The following TSHR variants were observed in gnomAD, a reference collection of about 807,000 sequenced individuals.
TSHR encodes thyroid stimulating hormone receptor.
TSHR carries 51 observed loss-of-function variants against 64.1 expected under a neutral mutation model. The observed-to-expected ratio is 0.80, with a 90% CI of 0.64 to 1.01. The LOEUF (loss-of-function observed/expected upper bound fraction) is 1.01, where lower values mean the gene tolerates loss of function less well. Among genes scored for constraint, TSHR ranks in the 50% least tolerant of loss-of-function variants. TSHR has a pLI of 0.00. For synonymous variants in TSHR, 361 were observed against 361.9 expected (o/e 1.00, Z 0.03); for missense variants, 877 against 942.8 (o/e 0.93, Z 0.91).
At chr14:81,102,850 GTGGGATCAAGA>G (rs1889674724) in intron 7 of TSHR, 1 of 985,154 alleles carries the variant, frequency 1.0e-6, no homozygotes, top group Admixed American at 6.2e-5. Context: ...AAGGGCAAGC[GTGGGATCAAGA>G]TAAAAAGTAT....
intron 3 of TSHR, among the ~76,000 whole-genome samples, chr14:81,079,726 C>G (rs1159223162): frequency 2.6e-5 from 4 of 152,004 alleles, no homozygotes; most frequent in African/African-American, 9.7e-5. Context: ...CACAATGGCA[C>G]TTGCCTATAG....
At chr14:80,956,400 A>T (rs958519815) in intron 1 of TSHR, among the ~76,000 whole-genome samples, 7 of 152,262 alleles carry the variant, frequency 4.6e-5, no homozygotes, top group African/African-American at 1.7e-4. Flanking sequence ...GTGAACTGCC[A>T]GTGAAATAGT....
In TSHR at chr14:81,005,054, G is replaced by C. The variant is rs114649472; in HGVS notation, c.170+49204G>C. On this transcript the variant is annotated intron_variant, in intron 1 of 9. Coordinates refer to ENST00000298171, the MANE Select transcript of TSHR (RefSeq NM_000369.5). ...CTTAACCAATATGCAGCAGAGCCTA[G>C]AGTTTGAAAACATCTCTGGAGATGA... 3.5e-3 allele frequency among the ~76,000 whole-genome samples: 537 copies of C among 152,292 alleles called. 1 individual carries two copies. Among genetic ancestry groups the C allele is most frequent in the African/African-American group, 0.012 (497 of 41,560 alleles).
intron 3 of TSHR, among the ~76,000 whole-genome samples, chr14:81,081,728 A>C (rs1304403567): frequency 2.6e-5 from 4 of 152,232 alleles, no homozygotes; most frequent in African/African-American, 7.2e-5. Flanking sequence ...TAGCACTTAA[A>C]AAATTTATAG....
intron 8 of TSHR, among the ~76,000 whole-genome samples, chr14:81,122,378 A>G (rs1244530948): frequency 6.6e-6 from 1 of 151,992 alleles, no homozygotes; most frequent in Non-Finnish European, 1.5e-5. Context: ...GAGCATGTAG[A>G]AAACTTAGCA....
chr14:81,055,256 C>T (rs990757349), intron 1 of TSHR, among the ~76,000 whole-genome samples: 1 of 152,158 alleles, frequency 6.6e-6, no homozygotes, highest in African/African-American at 2.4e-5. Flanking sequence ...GGTTTGGGAA[C>T]CTCCTCTTAG....
chr14:81,017,816 C>T (rs117146521), intron 1 of TSHR, among the ~76,000 whole-genome samples: 1,787 of 151,652 alleles, frequency 0.012, 22 homozygotes, highest in African/African-American at 0.016. Flanking sequence ...CCCCAAATGC[C>T]GCATTGTATA....
chr14:81,143,692 G>C lies in TSHR; in HGVS notation c.1634G>C (p.Gly545Ala). 6.2e-7 allele frequency: 1 copy of C among 1,614,178 alleles called. No individual in the cohort carries two copies. Among genetic ancestry groups the C allele is most frequent in the Non-Finnish European group, 8.5e-7 (1 of 1,180,036 alleles). ...LRHACAIMVG[G>A]WVCCFLLALL... ...CACGCATGTGCCATCATGGTTGGGG[G>C]CTGGGTTTGCTGCTTCCTTCTCGCC... Residue 545 changes from glycine (G) to alanine (A), a missense_variant, in exon 10 of 10, where the codon GGC becomes GCC. Coordinates refer to ENST00000298171, the MANE Select transcript of TSHR (RefSeq NM_000369.5).
At chr14:81,096,604 C>G in intron 6 of TSHR, 35 bp from the exon 7 acceptor site, 1 of 1,604,582 alleles carries the variant, frequency 6.2e-7, no homozygotes, top group East Asian at 2.2e-5. Flanking sequence ...CACTTCTCAC[C>G]AGTCACTGAT....
intron 1 of TSHR, chr14:81,013,628 G>T (rs1890036701): frequency 3.9e-5 from 6 of 152,130 alleles, no homozygotes; most frequent in Admixed American, 3.9e-4. Context: ...ATGAGCCATG[G>T]GCTTTAGTAA....
intron 6 of TSHR, among the ~76,000 whole-genome samples, chr14:81,094,824 T>G (rs989488508): frequency 6.6e-6 from 1 of 151,836 alleles, no homozygotes; most frequent in Admixed American, 6.6e-5. Flanking sequence ...ATAGCTCCTT[T>G]TAACATGGTC....
chr14:80,963,129 A>G (rs1200404896), intron 1 of TSHR, among the ~76,000 whole-genome samples: 1 of 152,222 alleles, frequency 6.6e-6, no homozygotes. Context: ...GTAGGTCAAC[A>G]ACTTCTGTTA....
At chr14:81,112,900 G>A (rs1036482258) in intron 8 of TSHR, among the ~76,000 whole-genome samples, 2 of 152,178 alleles carry the variant, frequency 1.3e-5, no homozygotes, top group African/African-American at 2.4e-5. Flanking sequence ...TAAAGTAAAC[G>A]GGGGAAAAAG....
At chr14:81,048,366 G>T (rs1467880396) in intron 1 of TSHR, among the ~76,000 whole-genome samples, 1 of 152,122 alleles carries the variant, frequency 6.6e-6, no homozygotes. Context: ...TCCATGGGAA[G>T]TTCACACATT....
At chr14:81,099,572 T>G (rs1889438699) in intron 7 of TSHR, 1 of 152,134 alleles carries the variant, frequency 6.6e-6, no homozygotes, top group Admixed American at 6.5e-5. Flanking sequence ...AACTCAAAAC[T>G]CGAGGCATAA....
At chr14:80,976,223 C>T (rs1887869042) in intron 1 of TSHR, among the ~76,000 whole-genome samples, 1 of 152,198 alleles carries the variant, frequency 6.6e-6, no homozygotes, top group African/African-American at 2.4e-5. Flanking sequence ...GAAGCCCTCA[C>T]TTCCACAACA....
intron 2 of TSHR, 62 bp downstream of exon 2, chr14:81,062,281 C>A: frequency 7.7e-7 from 1 of 1,292,912 alleles, no homozygotes; most frequent in South Asian, 1.2e-5. Flanking sequence ...TAAACGTGTT[C>A]TATCAAGAAA....
chr14:81,118,743 A>C (rs1890646523), intron 8 of TSHR, among the ~76,000 whole-genome samples: 1 of 152,162 alleles, frequency 6.6e-6, no homozygotes, highest in Non-Finnish European at 1.5e-5. Context: ...CAAAAGAACA[A>C]AGCTGGAGGC....
intron 7 of TSHR, among the ~76,000 whole-genome samples, chr14:81,102,041 G>A (rs1195467131): frequency 1.3e-5 from 2 of 151,782 alleles, no homozygotes; most frequent in African/African-American, 2.4e-5. Context: ...GCGTGGTGGC[G>A]GGCGCCTGTA....
Sources: allele counts gnomAD v4.1 joint callset (sites outside exome capture counted in the v4.1 genomes callset), GRCh38; gene constraint gnomAD v4.1.1; transcripts MANE v1.5; gene names NCBI Gene and HGNC (gene_info 2026-07-23, HGNC 2026-07-21).